FAM227B: variants seen among roughly 807,000 people sequenced by gnomAD.
FAM227B encodes family with sequence similarity 227 member B.
A neutral mutation model predicts 73.8 loss-of-function variants in FAM227B; 88 were observed. The ratio of observed to expected loss-of-function variants is 1.19; its 90% CI spans 1.00 to 1.42. The LOEUF is 1.42. FAM227B is among the 40% of genes most tolerant of loss of function. FAM227B has a pLI of 0.00. For synonymous variants in FAM227B, 210 were observed against 190.5 expected, an observed-to-expected ratio of 1.10 and a Z score of -0.84; for missense variants, 632 against 590.9, an observed-to-expected ratio of 1.07 and a Z score of -0.72.
chr15:49,523,474 G>T lies in FAM227B; in HGVS notation c.875-15126C>A, dbSNP rs529955300. On this transcript the variant is annotated intron_variant, in intron 10 of 15. Transcript: ENST00000299338. ...ACGATTGTGAGGCCTCCCCAGCCAT[G>T]TGGAACCCTAAGTCCATTAAATCTT... 3.3e-5 allele frequency among the ~76,000 whole-genome samples: 5 copies of T among 152,314 alleles called. No individual in the cohort carries two copies. The South Asian group carries it at 6.2e-4, about 19-fold the overall frequency.
chr15:49,351,527 T>C (rs1210762643), intron 13 of FAM227B, among the ~76,000 whole-genome samples: 1 of 152,254 alleles, frequency 6.6e-6, no homozygotes. Flanking sequence ...AGAAAAGTAG[T>C]GAGCAATCAA....
chr15:49,589,121 A>C (rs1040044787), intron 4 of FAM227B, among the ~76,000 whole-genome samples: 1 of 152,164 alleles, frequency 6.6e-6, no homozygotes, highest in African/African-American at 2.4e-5. Context: ...ATTGAAAAGA[A>C]GTAAAAATTA....
chr15:49,551,039 G>A (rs2072915288), intron 9 of FAM227B, among the ~76,000 whole-genome samples: 1 of 152,258 alleles, frequency 6.6e-6, no homozygotes, highest in Non-Finnish European at 1.5e-5. Flanking sequence ...CGGCACCCCG[G>A]GAGGCCGAGG....
At position 49,328,208 on chromosome 15, in the gene FAM227B, G is replaced by A. The variant is rs760278080; in HGVS notation, c.*360C>T. The A allele has an allele frequency of 5.1e-6, 8 of 1,561,096 alleles. No individual in the cohort carries two copies. Among genetic ancestry groups the A allele is most frequent in the African/African-American group, 1.4e-5 (1 of 73,342 alleles). The stretch of plus-strand genomic sequence containing the variant: ...AACTACTTAGGGCACTTAGGAATTG[G>A]CAGGACTTTCTGTGCCACAGTAAAT... On this transcript the variant is annotated 3_prime_UTR_variant, in exon 16 of 16. Transcript: ENST00000299338.
intron 9 of FAM227B, among the ~76,000 whole-genome samples, chr15:49,551,255 A>ATGAGGGAGAGGG (rs2072961150): frequency 7.1e-6 from 1 of 141,530 alleles, no homozygotes; most frequent in South Asian, 2.3e-4. Context: ...TTGGCTCAGC[A>ATGAGGGAGAGGG]TGAGGGAGAG....
chr15:49,410,730 G>T (rs375757743), intron 11 of FAM227B, among the ~76,000 whole-genome samples: 13 of 151,940 alleles, frequency 8.6e-5, no homozygotes, highest in African/African-American at 2.9e-4. Context: ...AAAGTTACTG[G>T]ATAAAAGTTT....
At chr15:49,524,746 C>T (rs1413336340) in intron 10 of FAM227B, among the ~76,000 whole-genome samples, 1 of 152,184 alleles carries the variant, frequency 6.6e-6, no homozygotes, top group Non-Finnish European at 1.5e-5. Context: ...ACTGCCCAAG[C>T]CTGTGGAAGT....
intron 11 of FAM227B, among the ~76,000 whole-genome samples, chr15:49,494,518 T>C (rs568901130): frequency 3.9e-4 from 60 of 152,278 alleles, no homozygotes; most frequent in Non-Finnish European, 8.4e-4. Context: ...ACTGATTTAC[T>C]CTAATGAAAA....
chr15:49,476,144 A>C (rs549988829), intron 11 of FAM227B, among the ~76,000 whole-genome samples: 1 of 150,866 alleles, frequency 6.6e-6, no homozygotes, highest in African/African-American at 2.4e-5. Flanking sequence ...TTCAAGCTCT[A>C]TCTATTCCTC....
intron 11 of FAM227B, among the ~76,000 whole-genome samples, chr15:49,438,108 A>G (rs531601203): frequency 1.3e-4 from 19 of 151,758 alleles, no homozygotes; most frequent in Admixed American, 6.6e-5. Flanking sequence ...CAGGAGTACC[A>G]AGTTCAAGAT....
At chr15:49,467,418 C>G (rs886626613) in intron 11 of FAM227B, among the ~76,000 whole-genome samples, 2 of 152,078 alleles carry the variant, frequency 1.3e-5, no homozygotes, top group East Asian at 3.9e-4. Context: ...TAGGTGTTAA[C>G]TCCTCCCTGG....
chr15:49,369,502 A>C (rs1286536461), intron 12 of FAM227B, among the ~76,000 whole-genome samples: 1 of 152,214 alleles, frequency 6.6e-6, no homozygotes, highest in Non-Finnish European at 1.5e-5. Flanking sequence ...ATAAAGGATG[A>C]AATAGAAAGT....
At chr15:49,489,927 CAG>C (rs34009538) in intron 11 of FAM227B, among the ~76,000 whole-genome samples, 64,089 of 72,682 alleles carry the variant, frequency 0.88, 28,730 homozygotes, top group Non-Finnish European at 0.94. Context: ...GAGAGAGAGA[CAG>C]AGAGAGAGAG....
chr15:49,396,053 G>C (rs2047572060), intron 11 of FAM227B: 3 of 451,212 alleles, frequency 6.6e-6, no homozygotes, highest in Admixed American at 2.4e-5. Context: ...CGACGCAGAA[G>C]ATGGTGATTT....
chr15:49,473,099 A>T (rs1223408329), intron 11 of FAM227B, among the ~76,000 whole-genome samples: 1 of 152,164 alleles, frequency 6.6e-6, no homozygotes, highest in Non-Finnish European at 1.5e-5. Context: ...TTTTCAACTG[A>T]ATATTTTTTA....
chr15:49,522,252 A>C (rs1165965149), intron 10 of FAM227B, among the ~76,000 whole-genome samples: 1 of 152,184 alleles, frequency 6.6e-6, no homozygotes, highest in African/African-American at 2.4e-5. Context: ...CACAACATAC[A>C]CTACAGTCAG....
intron 11 of FAM227B, among the ~76,000 whole-genome samples, chr15:49,495,637 C>A (rs1214608003): frequency 1.3e-5 from 2 of 152,126 alleles, no homozygotes; most frequent in African/African-American, 4.8e-5. Context: ...GCTTAGTTCT[C>A]AAAGTGCTAT....
chr15:49,443,044 T>C (rs1567284431), intron 11 of FAM227B, among the ~76,000 whole-genome samples: 1 of 151,738 alleles, frequency 6.6e-6, no homozygotes, highest in Admixed American at 6.6e-5. Flanking sequence ...TTTGAAAATA[T>C]GTAGCCAATG....
intron 11 of FAM227B, among the ~76,000 whole-genome samples, chr15:49,435,886 A>C (rs996336328): frequency 1.2e-4 from 18 of 151,626 alleles, no homozygotes; most frequent in Non-Finnish European, 1.8e-4. Flanking sequence ...TACAATGTAC[A>C]ACTGGGAACA....
Sources: allele counts gnomAD v4.1 joint callset (sites outside exome capture counted in the v4.1 genomes callset), GRCh38; gene constraint gnomAD v4.1.1; transcripts MANE v1.5; gene names NCBI Gene and HGNC (gene_info 2026-07-23, HGNC 2026-07-21).